IKBKB: variants seen among roughly 807,000 people sequenced by gnomAD.
IKBKB encodes inhibitor of nuclear factor kappa B kinase subunit beta.
Under a neutral mutation model 113.6 loss-of-function variants are expected in IKBKB, and 42 were observed. That is an observed-to-expected ratio of 0.37 (90% confidence interval 0.29 to 0.48). The LOEUF is 0.48. Among genes scored for constraint, IKBKB ranks in the 20% least tolerant of loss-of-function variants. The pLI is 0.99. For missense variants in IKBKB, 673 were observed against 939.7 expected, an observed-to-expected ratio of 0.72 and a Z score of 3.71; for synonymous variants, 296 against 361.3, an observed-to-expected ratio of 0.82 and a Z score of 2.05.
chr8:42,286,269 G>A (rs1811399503), intron 2 of IKBKB, among the ~76,000 whole-genome samples: 3 of 152,070 alleles, frequency 2.0e-5, no homozygotes, highest in South Asian at 2.1e-4. Context: ...TCTTGGTGTC[G>A]GTGTTAAGGA....
intron 9 of IKBKB, among the ~76,000 whole-genome samples, chr8:42,315,554 C>T (rs1282561617): frequency 6.6e-6 from 1 of 152,100 alleles, no homozygotes; most frequent in African/African-American, 2.4e-5. Flanking sequence ...TCATGTGAAC[C>T]GCTATATCTG....
At position 42,318,562 on chromosome 8, in the gene IKBKB, C is replaced by A; in HGVS notation, c.1251C>A (p.Pro417=). 2 of 1,613,784 alleles carry A rather than the reference C, an allele frequency of 1.2e-6. No individual in the cohort carries two copies. Among genetic ancestry groups the A allele is most frequent in the South Asian group, 2.2e-5 (2 of 91,064 alleles). Residue 417 remains proline (P), a synonymous_variant, in exon 13 of 22, where the codon CCC becomes CCA. Coordinates refer to ENST00000520810, the MANE Select transcript of IKBKB (RefSeq NM_001556.3). ...PESVSCILQE[P]KRNLAFFQLR... ...TGTCTCTGTCTCCAGTTCAAGAGCC[C>A]AAGAGGAATCTCGCCTTCTTCCAGC...
rs34921450 is a variant in IKBKB at position 42,303,060 on chromosome 8, G to GGAGAGAGA, written c.389-2104_389-2097dup. ...CTTCCCCTCCCCGGCTTGCCGAGAG[G>GGAGAGAGA]GAGAGAGAGAGAGAGAGAGAGAGAG... On this transcript the variant is annotated intron_variant, in intron 5 of 21. Coordinates refer to ENST00000520810, the MANE Select transcript of IKBKB (RefSeq NM_001556.3). Among the ~76,000 whole-genome samples, 185 of 114,222 alleles carry GGAGAGAGA rather than the reference G, an allele frequency of 1.6e-3. 4 individuals carry two copies. Among genetic ancestry groups the GGAGAGAGA allele is most frequent in the African/African-American group, 6.5e-3 (180 of 27,860 alleles). 74.9% of individuals were successfully genotyped at this position (114,222 alleles called of 152,430 possible).
intron 4 of IKBKB, 52 bp downstream of exon 4, chr8:42,290,325 C>A: frequency 7.8e-7 from 1 of 1,274,096 alleles, no homozygotes. Context: ...AGGTGGGACA[C>A]CAGGAAGAGG....
At chr8:42,326,849 G>A (rs569211785) in intron 20 of IKBKB, among the ~76,000 whole-genome samples, 38 of 152,208 alleles carry the variant, frequency 2.5e-4, no homozygotes, top group African/African-American at 7.5e-4. Flanking sequence ...CTGCTCCCAC[G>A]CCCATCTCTT....
At chr8:42,309,141 T>C (rs1817179339) in intron 8 of IKBKB, 116 bp downstream of exon 8, 1 of 1,216,302 alleles carries the variant, frequency 8.2e-7, no homozygotes, top group African/African-American at 1.5e-5. Flanking sequence ...GTTGTTTCTC[T>C]TCCGAGAGGA....
chr8:42,331,250 T>C lies in IKBKB; in HGVS notation c.*271T>C, dbSNP rs1821656260. The C allele has an allele frequency of 1.4e-6, 1 of 703,972 alleles. No individual in the cohort carries two copies. Among genetic ancestry groups the C allele is most frequent in the African/African-American group, 1.7e-5 (1 of 57,412 alleles). The allele number at this position is 703,972 out of a possible 1,614,324, so 43.6% of individuals were successfully genotyped here. A position where few individuals can be genotyped will look rare whatever the true frequency, so the allele number is the denominator to read the frequency against. On this transcript the variant is annotated 3_prime_UTR_variant, in exon 22 of 22. Transcript: ENST00000520810. ...CACTGCCGGCGCCTTGTCTGCACAC[T>C]GGAGGTCCTCCATTACAGAGGCCCA... is the stretch of plus-strand genomic sequence containing the variant.
chr8:42,314,774 C>CAA (rs915998732), intron 9 of IKBKB, among the ~76,000 whole-genome samples: 6 of 112,822 alleles, frequency 5.3e-5, no homozygotes, highest in African/African-American at 7.0e-5. Context: ...GACTCCATCT[C>CAA]AAAAAAAAAA....
chr8:42,309,380 A>G (rs1817248374), intron 8 of IKBKB: 5 of 368,426 alleles, frequency 1.4e-5, no homozygotes, highest in Admixed American at 3.8e-5. Context: ...ACGTGTACAC[A>G]TGACAAGTCA....
chr8:42,330,898 G>A lies in IKBKB; in HGVS notation c.2206-16G>A. 1 of 1,614,126 alleles carries A rather than the reference G, an allele frequency of 6.2e-7. No homozygotes were observed. Among genetic ancestry groups the A allele is most frequent in the African/African-American group, 1.3e-5 (1 of 75,050 alleles). ...TTGGTGGCTGTTGTTTTTTTAACAT[G>A]TCTGTTGACTTTCAGGCCCTAGACT... On this transcript the variant is annotated splice_polypyrimidine_tract_variant and intron_variant, in intron 21 of 21. Transcript: ENST00000520810.
At chr8:42,313,397 G>A (rs1818094323) in intron 8 of IKBKB, among the ~76,000 whole-genome samples, 1 of 152,090 alleles carries the variant, frequency 6.6e-6, no homozygotes, top group South Asian at 2.1e-4. Flanking sequence ...GCTGCAGTAA[G>A]TTATGATTGT....
chr8:42,305,848 G>A (rs1816415168), intron 6 of IKBKB, among the ~76,000 whole-genome samples: 1 of 152,258 alleles, frequency 6.6e-6, no homozygotes, highest in Non-Finnish European at 1.5e-5. Flanking sequence ...GCTCAGCTGA[G>A]TGGAATACAG....
intron 2 of IKBKB, among the ~76,000 whole-genome samples, chr8:42,277,493 T>C (rs1585524574): frequency 6.6e-6 from 1 of 152,082 alleles, no homozygotes; most frequent in South Asian, 2.1e-4. Context: ...TGGCCTGTTA[T>C]TTATTTTTAA....
chr8:42,326,225 TG>T, intron 20 of IKBKB, 128 bp downstream of exon 20: 1 of 1,161,126 alleles, frequency 8.6e-7, no homozygotes, highest in Non-Finnish European at 1.2e-6. Flanking sequence ...TTGTTGCATC[TG>T]CTGGGTCCTG....
intron 4 of IKBKB, among the ~76,000 whole-genome samples, chr8:42,292,322 C>A (rs1026449696): frequency 6.6e-6 from 1 of 152,130 alleles, no homozygotes; most frequent in African/African-American, 2.4e-5. Context: ...AAAGAGCCAA[C>A]GAGCCAGGGA....
chr8:42,324,037 G>A (rs1585807984), intron 19 of IKBKB, among the ~76,000 whole-genome samples: 1 of 152,108 alleles, frequency 6.6e-6, no homozygotes, highest in African/African-American at 2.4e-5. Flanking sequence ...TGTGCACAGG[G>A]GGAGCTCCAG....
intron 6 of IKBKB, 103 bp downstream of exon 6, chr8:42,305,378 C>A: frequency 1.4e-6 from 1 of 699,648 alleles, no homozygotes; most frequent in Non-Finnish European, 2.5e-6. Flanking sequence ...TTTGCATTTC[C>A]TTGCCTGTGC....
Position 42,316,593 on chromosome 8 carries a change from G to A in IKBKB, c.931-117G>A. On this transcript the variant is annotated intron_variant, in intron 10 of 21. Coordinates refer to ENST00000520810, the MANE Select transcript of IKBKB (RefSeq NM_001556.3). This position sits in a 1 kb window ranked among gnomAD's most constrained non-coding sequence, Gnocchi z 4.5. ...CACATGACCTCCCTCCCTCAAGCTA[G>A]GCCCTTGCTTTGTGTGGTTGGGAAA... The A allele has an allele frequency of 2.9e-6, 3 of 1,031,332 alleles. No individual in the cohort carries two copies. The highest frequency in any genetic ancestry group is 2.6e-5 in the East Asian group (1 of 38,616). 63.9% of individuals were successfully genotyped at this position (1,031,332 alleles called of 1,614,324 possible).
At chr8:42,273,345 G>A (rs1009732308) in intron 2 of IKBKB, among the ~76,000 whole-genome samples, 44 of 151,798 alleles carry the variant, frequency 2.9e-4, no homozygotes, top group Non-Finnish European at 6.3e-4. Flanking sequence ...AACCCAGGAG[G>A]CAGAGGTTGC....
Sources: gnomAD v4.1 joint callset for allele counts (sites outside exome capture counted in the v4.1 genomes callset) on GRCh38, gnomAD v4.1.1 for gene constraint, Gnocchi (gnomAD v3.1) non-coding constraint, MANE v1.5 for transcripts, NCBI Gene and HGNC (gene_info 2026-07-23, HGNC 2026-07-21) for gene names.